Variants in FAM234A observed in about 807,000 individuals in gnomAD.
FAM234A encodes the protein protein FAM234A.
Under a neutral mutation model 49.1 loss-of-function variants are expected in FAM234A, and 42 were observed. The observed-to-expected ratio is 0.86, with a 90% CI of 0.67 to 1.11. The LOEUF (loss-of-function observed/expected upper bound fraction) is 1.11. Ranked by LOEUF, FAM234A falls within the 50% of genes least tolerant of loss-of-function variation. The pLI, the probability that FAM234A is intolerant of heterozygous loss-of-function variation, is 0.00. For synonymous variants in FAM234A, 369 were observed against 316.2 expected (o/e 1.17, Z -1.77); for missense variants, 815 against 745.2 (o/e 1.09, Z -1.09).
chr16:253,513 C>T (rs1331019632), intron 2 of FAM234A, among the ~76,000 whole-genome samples: 5 of 151,004 alleles, frequency 3.3e-5, no homozygotes, highest in Admixed American at 2.6e-4. Flanking sequence ...GTCACTCTGT[C>T]GCCCAGGCTG....
At chr16:262,663 A>T in intron 8 of FAM234A, 110 bp downstream of exon 8, 1 of 1,176,726 alleles carries the variant, frequency 8.5e-7, no homozygotes, top group East Asian at 2.8e-5. Context: ...CCCCACCGGC[A>T]GGGAGGTGCT....
At chr16:255,813 AC>A (rs1237865941) in intron 3 of FAM234A, among the ~76,000 whole-genome samples, 6 of 152,044 alleles carry the variant, frequency 3.9e-5, no homozygotes, top group South Asian at 2.1e-4. Flanking sequence ...GCAGGCATGC[AC>A]CACCACGCCC....
At chr16:246,271 C>A (rs1293267407) in intron 1 of FAM234A, among the ~76,000 whole-genome samples, 1 of 148,840 alleles carries the variant, frequency 6.7e-6, no homozygotes, top group African/African-American at 2.5e-5. Context: ...TGGAGTTTAT[C>A]TTGATTGGTG....
At position 266,013 on chromosome 16, in the gene FAM234A, G is replaced by C. The variant is rs900805394; in HGVS notation, c.*991G>C. ...CTGCTCGGGCCGCCCAGGTCACAGA[G>C]CCTGAGCTTCGTAGCCAAAGCAGCC... On this transcript the variant is annotated 3_prime_UTR_variant, in exon 13 of 13. Coordinates refer to ENST00000399932, the MANE Select transcript of FAM234A (RefSeq NM_032039.4). 3 of 985,964 alleles carry C rather than the reference G, an allele frequency of 3.0e-6. No homozygotes were observed. The highest frequency in any genetic ancestry group is 2.3e-4 in the East Asian group (2 of 8,814). The allele number at this position is 985,964 out of a possible 1,614,324, so 61.1% of individuals were successfully genotyped here. A position where few individuals can be genotyped will look rare whatever the true frequency, so the allele number is the denominator to read the frequency against.
At chr16:258,039 G>A (rs1468054271) in intron 3 of FAM234A, among the ~76,000 whole-genome samples, 3 of 151,844 alleles carry the variant, frequency 2.0e-5, no homozygotes, top group Non-Finnish European at 4.4e-5. Flanking sequence ...TGTATTTTTA[G>A]TAGAGAAGGT....
At chr16:246,136 A>T (rs995329618) in intron 1 of FAM234A, among the ~76,000 whole-genome samples, 2 of 151,108 alleles carry the variant, frequency 1.3e-5, no homozygotes, top group Non-Finnish European at 2.9e-5. Context: ...AATCGCTTGA[A>T]CCCAGGAGGC....
Position 259,983 on chromosome 16 carries a change from T to G in FAM234A, c.400T>G (p.Cys134Gly). 6.2e-7 allele frequency: 1 copy of G among 1,613,326 alleles called. No individual in the cohort carries two copies. Among genetic ancestry groups the G allele is most frequent in the East Asian group, 2.2e-5 (1 of 44,886 alleles). ...TCTCCCTACAGGCTTTTCCTCTCCC[T>G]GCACCTTTGCAGCTGCTGTGTCGGG... The part of the protein sequence containing the change: ...SCVDEGFSSP[C>G]TFAAAVSGAN... The change falls in exon 5 of 13, where the codon TGC becomes GGC. Residue 134 changes from cysteine to glycine, a missense_variant. Cys to Gly is a radical substitution (Grantham distance 159). Coordinates refer to ENST00000399932, the MANE Select transcript of FAM234A (RefSeq NM_032039.4).
downstream of FAM234A, chr16:268,295 C>T (rs1439211825): frequency 1.3e-5 from 3 of 237,442 alleles, no homozygotes; most frequent in Non-Finnish European, 2.5e-5. Context: ...ATAAGCTGCA[C>T]CCACAGCAGG....
chr16:265,388 T>C lies in FAM234A; in HGVS notation c.*366T>C. ...ACCCGGTGCCCTCTCCTTGCCAGCTTCTCCCCAGGCCAGAGCGGCCATCGC... is the reference window on the plus strand; with the variant it reads ...ACCCGGTGCCCTCTCCTTGCCAGCTCCTCCCCAGGCCAGAGCGGCCATCGC... On this transcript the variant is annotated 3_prime_UTR_variant, in exon 13 of 13. Coordinates refer to ENST00000399932, the MANE Select transcript of FAM234A (RefSeq NM_032039.4). 9.6e-7 allele frequency: 1 copy of C among 1,044,644 alleles called. No homozygotes were observed. The highest frequency in any genetic ancestry group is 1.2e-6 in the Non-Finnish European group (1 of 868,494). The allele number at this position is 1,044,644 out of a possible 1,614,324, so 64.7% of individuals were successfully genotyped here. A position where few individuals can be genotyped will look rare whatever the true frequency, so the allele number is the denominator to read the frequency against.
Position 263,251 on chromosome 16 carries a change from C to A in FAM234A, c.972-11C>A, listed in dbSNP as rs775454091. ...GGACCCGGCGCCCCTTTCTCCCACT[C>A]TCCTGTCTAGCTCTGGAGCAGTGCG... On this transcript the variant is annotated splice_polypyrimidine_tract_variant and intron_variant, in intron 8 of 12. Coordinates refer to ENST00000399932, the MANE Select transcript of FAM234A (RefSeq NM_032039.4). 3.1e-6 allele frequency: 5 copies of A among 1,611,360 alleles called. No individual in the cohort carries two copies. The African/African-American group carries it at 6.7e-5, about 22-fold the overall frequency.
chr16:235,477 C>G (rs575809811), intron 1 of FAM234A, among the ~76,000 whole-genome samples: 6 of 152,312 alleles, frequency 3.9e-5, no homozygotes, highest in Admixed American at 6.5e-5. Context: ...TCCTGGCTCT[C>G]CCCTACGTTC....
chr16:249,184 C>T (rs1012877113), intron 1 of FAM234A, among the ~76,000 whole-genome samples: 8 of 152,090 alleles, frequency 5.3e-5, no homozygotes, highest in African/African-American at 1.9e-4. Flanking sequence ...CTTTGCCTTG[C>T]TTGCTTCCAG....
At chr16:261,023 C>T (rs573169504) in intron 5 of FAM234A, among the ~76,000 whole-genome samples, 1 of 152,202 alleles carries the variant, frequency 6.6e-6, no homozygotes, top group African/African-American at 2.4e-5. Flanking sequence ...TGAGGTCAGG[C>T]TTCATCCACT....
intron 2 of FAM234A, among the ~76,000 whole-genome samples, chr16:250,665 A>G (rs1354732144): frequency 6.6e-6 from 1 of 152,022 alleles, no homozygotes; most frequent in Non-Finnish European, 1.5e-5. Flanking sequence ...TGTAACCATC[A>G]CCACTATTTT....
Position 254,566 on chromosome 16 carries a change from GT to G in FAM234A, c.159del (p.Leu54PhefsTer31). 6.2e-7 allele frequency: 1 copy of G among 1,614,168 alleles called. No homozygotes were observed. Among genetic ancestry groups the G allele is most frequent in the Non-Finnish European group, 8.5e-7 (1 of 1,180,038 alleles). ...SRLSRCRAAA[F>X]FLSLFLCLFV... ...GGCTCTCCCGGTGCCGAGCGGCGGC[GT>G]TTTTTCTTTCATTGTTTCTCTGCCT... On this transcript the variant is annotated frameshift_variant, in exon 3 of 13. Transcript: ENST00000399932. LOFTEE classifies it high-confidence loss of function.
At chr16:251,926 G>A (rs1158105258) in intron 2 of FAM234A, among the ~76,000 whole-genome samples, 14 of 149,694 alleles carry the variant, frequency 9.4e-5, no homozygotes, top group African/African-American at 2.2e-4. Flanking sequence ...TGGTGTGAAC[G>A]GGGGAGGCAG....
chr16:254,571 T>G lies in FAM234A; in HGVS notation c.158T>G (p.Phe53Cys). ...RLSRCRAAAF[F>C]LSLFLCLFVV... ...TCCCGGTGCCGAGCGGCGGCGTTTT[T>G]TCTTTCATTGTTTCTCTGCCTTTTT... Residue 53 changes from phenylalanine (F) to cysteine (C), a missense_variant, in exon 3 of 13, where the codon TTT becomes TGT. Coordinates refer to ENST00000399932, the MANE Select transcript of FAM234A (RefSeq NM_032039.4). 3.1e-6 allele frequency: 5 copies of G among 1,614,190 alleles called. No individual in the cohort carries two copies. The highest frequency in any genetic ancestry group is 4.2e-6 in the Non-Finnish European group (5 of 1,180,044).
At position 263,605 on chromosome 16, in the gene FAM234A, TG is replaced by T; in HGVS notation, c.1113-92del. The T allele has an allele frequency of 3.1e-6, 4 of 1,283,628 alleles. No homozygotes were observed. In the South Asian group the frequency reaches 4.8e-5, roughly 15 times the overall value. 79.5% of individuals were successfully genotyped at this position (1,283,628 alleles called of 1,614,324 possible). On this transcript the variant is annotated intron_variant, in intron 9 of 12. Transcript: ENST00000399932. ...CTGGGCCCTGGTCCAGATGTGGCCATGGGAGACTGAGGGGCGGACGTGTTCC... is the reference window on the plus strand; with the variant it reads ...CTGGGCCCTGGTCCAGATGTGGCCATGGAGACTGAGGGGCGGACGTGTTCC...
chr16:237,561 T>G (rs1217926538), intron 1 of FAM234A, among the ~76,000 whole-genome samples: 2 of 152,082 alleles, frequency 1.3e-5, no homozygotes, highest in Admixed American at 1.3e-4. Context: ...AAGCCTCAGT[T>G]CCCTCTTGGC....
Sources: allele counts gnomAD v4.1 joint callset (sites outside exome capture counted in the v4.1 genomes callset), GRCh38; gene constraint gnomAD v4.1.1; transcripts MANE v1.5; gene names NCBI Gene and HGNC (gene_info 2026-07-23, HGNC 2026-07-21).